The following GFOD1 variants were observed in gnomAD, a reference collection of about 807,000 sequenced individuals.
GFOD1 encodes the protein glucose-fructose oxidoreductase domain-containing protein 1.
Under a neutral mutation model 25.4 loss-of-function variants are expected in GFOD1, and 9 were observed. The observed-to-expected ratio is 0.35, with a 90% CI of 0.21 to 0.62. The LOEUF is 0.62. GFOD1 is among the 20% of genes least tolerant of loss of function. The probability of loss-of-function intolerance (pLI) is 0.72; values close to 1 mark genes in which losing one functional copy is unlikely to be tolerated. For synonymous variants in GFOD1, 253 were observed against 245.6 expected (o/e 1.03, Z -0.28); for missense variants, 403 against 556.9 (o/e 0.72, Z 2.78).
At chr6:13,374,264 GTT>G (rs113077397) in intron 1 of GFOD1, among the ~76,000 whole-genome samples, 1,518 of 126,088 alleles carry the variant, frequency 0.012, 17 homozygotes, top group Non-Finnish European at 0.013. Context: ...TTAAAAATAT[GTT>G]TTTTTTTTGT....
At chr6:13,470,537 A>G (rs1210648173) in intron 1 of GFOD1, 2 of 1,548,142 alleles carry the variant, frequency 1.3e-6, no homozygotes, top group Non-Finnish European at 1.7e-6. Context: ...GGGGTGCTGG[A>G]GGGAGCAGAA....
At chr6:13,448,807 T>C (rs2127573392) in intron 1 of GFOD1, among the ~76,000 whole-genome samples, 1 of 152,268 alleles carries the variant, frequency 6.6e-6, no homozygotes. Context: ...TGGACAGAGA[T>C]CTGGCTGTAC....
At position 13,364,788 on chromosome 6, in the gene GFOD1, C is replaced by A; in HGVS notation, c.1128G>T (p.Leu376=). Residue 376 remains leucine, a synonymous_variant, in exon 2 of 2, where the codon CTG becomes CTT. Coordinates refer to ENST00000379287, the MANE Select transcript of GFOD1 (RefSeq NM_018988.4). This position sits in a 1 kb window ranked among gnomAD's most constrained non-coding sequence, Gnocchi z 4.1. ...TEEPELSPAY[L]ISEAMRRSRM... is the part of the protein sequence containing the mutation. ...TGCTGCGGCGCATGGCCTCGCTGATCAGGTAGGCGGGGCTCAGCTCCGGCT... is the reference window on the plus strand; with the variant it reads ...TGCTGCGGCGCATGGCCTCGCTGATAAGGTAGGCGGGGCTCAGCTCCGGCT... 6.2e-7 allele frequency: 1 copy of A among 1,613,812 alleles called. No homozygotes were observed. Among genetic ancestry groups the A allele is most frequent in the East Asian group, 2.2e-5 (1 of 44,876 alleles).
intron 1 of GFOD1, among the ~76,000 whole-genome samples, chr6:13,443,614 G>A (rs113565198): frequency 0.024 from 3,722 of 152,014 alleles, 80 homozygotes; most frequent in Non-Finnish European, 0.036. Context: ...TCAGGAGTTC[G>A]AGACCAGCCT....
intron 1 of GFOD1, among the ~76,000 whole-genome samples, chr6:13,405,221 G>A (rs1301744667): frequency 6.6e-6 from 1 of 152,168 alleles, no homozygotes; most frequent in Non-Finnish European, 1.5e-5. Context: ...AAGTGCTACA[G>A]TATTTTAAAA....
chr6:13,439,054 C>T (rs908389473), intron 1 of GFOD1, among the ~76,000 whole-genome samples: 4 of 150,878 alleles, frequency 2.7e-5, no homozygotes, highest in Non-Finnish European at 4.4e-5. Context: ...AAACATCCAT[C>T]TCTGCAATCA....
At chr6:13,390,720 T>G (rs1785573681) in intron 1 of GFOD1, among the ~76,000 whole-genome samples, 1 of 97,840 alleles carries the variant, frequency 1.0e-5, no homozygotes. Flanking sequence ...TGAGACCCTG[T>G]GAAAAAAAAA....
intron 1 of GFOD1, among the ~76,000 whole-genome samples, chr6:13,444,706 T>C (rs1253238284): frequency 6.6e-6 from 1 of 152,174 alleles, no homozygotes; most frequent in Non-Finnish European, 1.5e-5. Context: ...TGAAAGTATG[T>C]ACATTGTTCT....
intron 1 of GFOD1, chr6:13,486,401 C>A: frequency 1.7e-6 from 1 of 600,398 alleles, no homozygotes; most frequent in Non-Finnish European, 2.9e-6. Flanking sequence ...GCAATCTACA[C>A]ACGTGGGGAA....
At position 13,401,502 on chromosome 6, in the gene GFOD1, G is replaced by A. The variant is rs148129963; in HGVS notation, c.254-35840C>T. On this transcript the variant is annotated intron_variant, in intron 1 of 1. Coordinates refer to ENST00000379287, the MANE Select transcript of GFOD1 (RefSeq NM_018988.4). ...ATGGAATGTCATACAAGTATTTATG[G>A]ATAATGGGGCACTATTTAATTTAAA... Among the ~76,000 whole-genome samples, 117 of 152,276 alleles carry A rather than the reference G, an allele frequency of 7.7e-4. 1 individual carries two copies. The highest frequency in any genetic ancestry group is 2.8e-3 in the African/African-American group (115 of 41,548).
At chr6:13,474,861 G>A (rs9474297) in intron 1 of GFOD1, among the ~76,000 whole-genome samples, 4,796 of 152,240 alleles carry the variant, frequency 0.032, 242 homozygotes, top group African/African-American at 0.11. Context: ...AGAGCCCCAG[G>A]CATGAGCACC....
In GFOD1 at chr6:13,470,420, C is replaced by T. The variant is rs572815758; in HGVS notation, c.253+16218G>A. 4.1e-5 allele frequency: 64 copies of T among 1,549,804 alleles called. No homozygotes were observed. In the East Asian group the frequency reaches 4.2e-4, roughly 10 times the overall value. ...GCTGCCTCTGTGCCCTGGATGTGAACGGCTGTGCATATTAAGTTAGACAGG... is the reference window on the plus strand; with the variant it reads ...GCTGCCTCTGTGCCCTGGATGTGAATGGCTGTGCATATTAAGTTAGACAGG... On this transcript the variant is annotated intron_variant, in intron 1 of 1. Transcript: ENST00000379287.
At chr6:13,440,080 C>T (rs1334372892) in intron 1 of GFOD1, among the ~76,000 whole-genome samples, 1 of 152,146 alleles carries the variant, frequency 6.6e-6, no homozygotes, top group Non-Finnish European at 1.5e-5. Flanking sequence ...TGTTGGCAAT[C>T]AATGATAATT....
intron 1 of GFOD1, among the ~76,000 whole-genome samples, chr6:13,393,868 C>T (rs534437591): frequency 3.7e-4 from 56 of 151,306 alleles, no homozygotes; most frequent in East Asian, 7.8e-4. Context: ...CAAGCTCCGC[C>T]TCCCGGGTTC....
At position 13,373,741 on chromosome 6, in the gene GFOD1, A is replaced by AACACACACACACACACACACACACAC. The variant is rs10530031; in HGVS notation, c.254-8105_254-8080dup. Reference sequence around the variant, plus strand: ...CTGCTAATCTCCTTCCTGCTCCCCCAACACACACACACACACACACACACA... The same window carrying AACACACACACACACACACACACACAC: ...CTGCTAATCTCCTTCCTGCTCCCCCAACACACACACACACACACACACACACACACACACACACACACACACACACA... On this transcript the variant is annotated intron_variant, in intron 1 of 1. Coordinates refer to ENST00000379287, the MANE Select transcript of GFOD1 (RefSeq NM_018988.4). Among the ~76,000 whole-genome samples the AACACACACACACACACACACACACAC allele has an allele frequency of 3.1e-5, 4 of 129,596 alleles. No homozygotes were observed. In the East Asian group the frequency reaches 6.6e-4, roughly 21 times the overall value. 85.0% of individuals were successfully genotyped at this position (129,596 alleles called of 152,430 possible).
intron 1 of GFOD1, among the ~76,000 whole-genome samples, chr6:13,417,616 G>C (rs1457969555): frequency 1.3e-5 from 2 of 152,206 alleles, no homozygotes; most frequent in African/African-American, 4.8e-5. Context: ...AGTACAGTCG[G>C]TGTAACCAAG....
At chr6:13,469,295 G>T in intron 1 of GFOD1, 1 of 984,868 alleles carries the variant, frequency 1.0e-6, no homozygotes, top group Non-Finnish European at 1.2e-6. Context: ...ACAAGAGTTT[G>T]CCATTTATTT....
At chr6:13,480,282 G>A (rs1166536153) in intron 1 of GFOD1, among the ~76,000 whole-genome samples, 7 of 152,208 alleles carry the variant, frequency 4.6e-5, no homozygotes, top group Admixed American at 4.6e-4. Flanking sequence ...CACCAAGAGA[G>A]TCTGCACTGC....
intron 1 of GFOD1, among the ~76,000 whole-genome samples, chr6:13,391,002 C>A (rs539805361): frequency 2.6e-5 from 4 of 152,056 alleles, no homozygotes; most frequent in Non-Finnish European, 5.9e-5. Flanking sequence ...TCTTGGTGTC[C>A]CCTACTGGCC....
Sources: allele counts gnomAD v4.1 joint callset (sites outside exome capture counted in the v4.1 genomes callset), GRCh38; gene constraint gnomAD v4.1.1; non-coding constraint Gnocchi (gnomAD v3.1); transcripts MANE v1.5; gene names NCBI Gene and HGNC (gene_info 2026-07-23, HGNC 2026-07-21).